TTC27: variants seen among roughly 807,000 people sequenced by gnomAD.
TTC27 encodes the protein tetratricopeptide repeat protein 27.
In TTC27, 79 loss-of-function variants were observed where a neutral mutation model predicts 115.9. That is an observed-to-expected ratio of 0.68 (90% CI 0.57 to 0.82). The LOEUF (loss-of-function observed/expected upper bound fraction) is 0.82. Ranked by LOEUF, TTC27 falls within the 40% of genes least tolerant of loss-of-function variation. The probability of loss-of-function intolerance (pLI) is 0.00; values close to 1 mark genes in which losing one functional copy is unlikely to be tolerated. For missense variants in TTC27, 1,054 were observed against 993.1 expected, an observed-to-expected ratio of 1.06 and a Z score of -0.82; for synonymous variants, 401 against 356.0, an observed-to-expected ratio of 1.13 and a Z score of -1.42.
In TTC27 at chr2:32,650,129, A is replaced by G; in HGVS notation, c.538-2A>G. On this transcript the variant is annotated splice_acceptor_variant, in intron 4 of 19. Coordinates refer to ENST00000317907, the MANE Select transcript of TTC27 (RefSeq NM_017735.5). LOFTEE classifies it high-confidence loss of function. The stretch of plus-strand genomic sequence containing the variant: ...TTCAGCTTACGTGGTGTTTTTTCCT[A>G]GAGCTTGCCATGGTGGACTTTGAGA... 6.2e-7 allele frequency: 1 copy of G among 1,601,094 alleles called. No individual in the cohort carries two copies. The highest frequency in any genetic ancestry group is 8.6e-7 in the Non-Finnish European group (1 of 1,168,658).
intron 12 of TTC27, among the ~76,000 whole-genome samples, chr2:32,745,039 G>A (rs1481061275): frequency 4.9e-5 from 5 of 101,648 alleles, no homozygotes; most frequent in African/African-American, 1.9e-4. Context: ...CTGGGCAACA[G>A]AGTGAACTCT....
rs751358170 is a variant in TTC27, at chr2:32,817,568, C to T, written c.2409+11C>T. ...TTATCTAAAGCAAAGGTGAGAGTGA[C>T]ATGTGAATTAATTGGAATTGTCATA... On this transcript the variant is annotated intron_variant, in intron 19 of 19. Transcript: ENST00000317907. The T allele has an allele frequency of 6.2e-7, 1 of 1,603,678 alleles. No individual in the cohort carries two copies. Among genetic ancestry groups the T allele is most frequent in the Non-Finnish European group, 8.5e-7 (1 of 1,170,668 alleles).
chr2:32,817,604 T>A, intron 19 of TTC27, 47 bp downstream of exon 19: 1 of 1,488,546 alleles, frequency 6.7e-7, no homozygotes, highest in Non-Finnish European at 9.4e-7. Flanking sequence ...TAGAAAAAGG[T>A]CATTAGTATC....
At chr2:32,738,070 C>G (rs886866575) in intron 12 of TTC27, among the ~76,000 whole-genome samples, 1 of 152,136 alleles carries the variant, frequency 6.6e-6, no homozygotes, top group African/African-American at 2.4e-5. Flanking sequence ...ACCCCATAAA[C>G]ATCCATTCTA....
chr2:32,707,963 CA>C lies in TTC27; in HGVS notation c.1233+5054del, dbSNP rs577901049. On this transcript the variant is annotated intron_variant, in intron 10 of 19. Coordinates refer to ENST00000317907, the MANE Select transcript of TTC27 (RefSeq NM_017735.5). The stretch of plus-strand genomic sequence containing the variant: ...CAGGAAGTAAGGTAGTACTTAACAA[CA>C]AAAAAAAAAAGAAATGAGGTATGTC... Among the ~76,000 whole-genome samples, 428 of 141,018 alleles carry C rather than the reference CA, an allele frequency of 3.0e-3. 4 individuals are homozygous for C. The highest frequency in any genetic ancestry group is 2.0e-3 in the Non-Finnish European group (132 of 64,778). 92.5% of individuals were successfully genotyped at this position (141,018 alleles called of 152,430 possible).
intron 1 of TTC27, 83 bp downstream of exon 1, chr2:32,628,463 C>G: frequency 2.3e-6 from 3 of 1,303,870 alleles, no homozygotes; most frequent in Non-Finnish European, 3.1e-6. Flanking sequence ...TCATCCCTCC[C>G]TTCATTTTTC....
chr2:32,661,029 C>A (rs1176811372), intron 5 of TTC27, among the ~76,000 whole-genome samples: 1 of 152,118 alleles, frequency 6.6e-6, no homozygotes, highest in African/African-American at 2.4e-5. Flanking sequence ...ATAGGGAATC[C>A]TTTCCCTGTT....
At chr2:32,729,989 G>A (rs1454711803) in intron 10 of TTC27, among the ~76,000 whole-genome samples, 1 of 152,130 alleles carries the variant, frequency 6.6e-6, no homozygotes, top group African/African-American at 2.4e-5. Context: ...AAATTTCTGG[G>A]CGTGTGTGAA....
intron 10 of TTC27, among the ~76,000 whole-genome samples, chr2:32,732,090 C>A (rs970584207): frequency 6.6e-6 from 1 of 152,094 alleles, no homozygotes; most frequent in African/African-American, 2.4e-5. Context: ...AAAAAAGTAT[C>A]CCTTCTCTAT....
At chr2:32,682,676 T>TC (rs1666472507) in intron 9 of TTC27, among the ~76,000 whole-genome samples, 2 of 149,944 alleles carry the variant, frequency 1.3e-5, no homozygotes, top group Admixed American at 6.7e-5. Flanking sequence ...GTCTTTTTTT[T>TC]TTTTTTTTTG....
chr2:32,783,018 C>A (rs1298223117), intron 15 of TTC27, among the ~76,000 whole-genome samples: 1 of 152,066 alleles, frequency 6.6e-6, no homozygotes, highest in African/African-American at 2.4e-5. Flanking sequence ...TTATTCATTG[C>A]TTGCTTTGTA....
intron 12 of TTC27, among the ~76,000 whole-genome samples, chr2:32,750,676 T>C (rs1416162830): frequency 6.6e-6 from 1 of 152,220 alleles, no homozygotes; most frequent in African/African-American, 2.4e-5. Context: ...AACTTTAAAA[T>C]TTCTTCAAAC....
intron 16 of TTC27, among the ~76,000 whole-genome samples, chr2:32,807,869 C>G (rs868224793): frequency 2.0e-5 from 3 of 150,178 alleles, no homozygotes; most frequent in Middle Eastern, 3.5e-3. Context: ...CATGACATCA[C>G]TTTCTTACCT....
chr2:32,779,246 A>G lies in TTC27; in HGVS notation c.1779+1266A>G, dbSNP rs141454498. Among the ~76,000 whole-genome samples, 516 of 152,102 alleles carry G rather than the reference A, an allele frequency of 3.4e-3. 5 individuals carry two copies. The highest frequency in any genetic ancestry group is 0.011 in the African/African-American group (475 of 41,518). Reference sequence around the variant, plus strand: ...TCAAAAAAAAAACAAACAAATAAAAAACAAAGTACCATTAGTCCCACTAGC... The same window carrying G: ...TCAAAAAAAAAACAAACAAATAAAAGACAAAGTACCATTAGTCCCACTAGC... On this transcript the variant is annotated intron_variant, in intron 14 of 19. Transcript: ENST00000317907.
At chr2:32,658,786 T>C (rs1665427816) in intron 5 of TTC27, among the ~76,000 whole-genome samples, 1 of 152,224 alleles carries the variant, frequency 6.6e-6, no homozygotes. Context: ...TGTCTTTATA[T>C]GTAGTTAATT....
intron 10 of TTC27, among the ~76,000 whole-genome samples, chr2:32,711,007 C>T (rs1667557118): frequency 6.6e-6 from 1 of 150,520 alleles, no homozygotes; most frequent in African/African-American, 2.4e-5. Flanking sequence ...ATCTCTGCTA[C>T]TCGAGAGGCT....
intron 5 of TTC27, among the ~76,000 whole-genome samples, chr2:32,661,729 T>G (rs149521479): frequency 1.1e-4 from 17 of 152,334 alleles, no homozygotes; most frequent in Admixed American, 3.9e-4. Context: ...ACAATTTGAC[T>G]TCCTCTCTTC....
intron 9 of TTC27, among the ~76,000 whole-genome samples, chr2:32,696,447 G>A (rs1462250891): frequency 2.0e-5 from 3 of 151,362 alleles, no homozygotes; most frequent in South Asian, 2.1e-4. Context: ...CCACCATCAC[G>A]CCCAGCTAAT....
Position 32,735,778 on chromosome 2 carries a change from G to C in TTC27, c.1330-916G>C, listed in dbSNP as rs141089959. On this transcript the variant is annotated intron_variant, in intron 11 of 19. Coordinates refer to ENST00000317907, the MANE Select transcript of TTC27 (RefSeq NM_017735.5). Reference sequence around the variant, plus strand: ...TTTATTCCAGCTCTCACATGCCATGGGCAGTTTTTGAAAATGTCCAATTAT... The same window carrying C: ...TTTATTCCAGCTCTCACATGCCATGCGCAGTTTTTGAAAATGTCCAATTAT... Among the ~76,000 whole-genome samples, 1,445 of 151,972 alleles carry C rather than the reference G, an allele frequency of 9.5e-3. 12 individuals carry two copies. Among genetic ancestry groups the C allele is most frequent in the Middle Eastern group, 0.024 (7 of 294 alleles).
Sources: allele counts gnomAD v4.1 joint callset (sites outside exome capture counted in the v4.1 genomes callset), GRCh38; gene constraint gnomAD v4.1.1; transcripts MANE v1.5; gene names NCBI Gene and HGNC (gene_info 2026-07-23, HGNC 2026-07-21).